Variants in ARHGAP44 observed in about 807,000 individuals in gnomAD.
The protein encoded by ARHGAP44 is rho GTPase-activating protein 44.
In ARHGAP44, 43 loss-of-function variants were observed where a neutral mutation model predicts 106.8. The ratio of observed to expected loss-of-function variants is 0.40; its 90% CI spans 0.32 to 0.52. The LOEUF is 0.52. Ranked by LOEUF, ARHGAP44 falls within the 20% of genes least tolerant of loss-of-function variation. ARHGAP44 has a pLI of 0.48. For synonymous variants in ARHGAP44, 439 were observed against 410.3 expected (o/e 1.07, Z -0.85); for missense variants, 866 against 1,050.5 (o/e 0.82, Z 2.43).
rs368004775 is a variant in ARHGAP44, at chr17:12,974,049, G to C, written c.1542-40G>C. The C allele has an allele frequency of 3.9e-6, 6 of 1,541,436 alleles. No individual in the cohort carries two copies. The African/African-American group carries it at 8.2e-5, about 21-fold the overall frequency. On this transcript the variant is annotated intron_variant, in intron 17 of 20. Transcript: ENST00000379672. ...GGAGGGAGCCTGTCTCCTGTCATCT[G>C]TTACGCGTGGGTAAGCGGTGTCTTT...
chr17:12,833,534 C>G (rs2035149022), intron 1 of ARHGAP44, among the ~76,000 whole-genome samples: 1 of 152,180 alleles, frequency 6.6e-6, no homozygotes, highest in Non-Finnish European at 1.5e-5. Flanking sequence ...CCTGCTCTTC[C>G]TCTTCTTTCA....
chr17:12,885,562 C>G (rs2036858825), intron 1 of ARHGAP44, among the ~76,000 whole-genome samples: 1 of 151,964 alleles, frequency 6.6e-6, no homozygotes, highest in Non-Finnish European at 1.5e-5. Context: ...TGTGTGTTGT[C>G]ACTCAAATAC....
At position 12,948,752 on chromosome 17, in the gene ARHGAP44, C is replaced by A. The variant is rs7501977; in HGVS notation, c.862-388C>A. 3.1e-3 allele frequency among the ~76,000 whole-genome samples: 440 copies of A among 140,782 alleles called. 7 individuals are homozygous for A. The highest frequency in any genetic ancestry group is 5.3e-3 in the Admixed American group (74 of 13,904). 92.4% of individuals were successfully genotyped at this position (140,782 alleles called of 152,430 possible). The stretch of plus-strand genomic sequence containing the variant: ...CACACACACACACACACACACACAC[C>A]CCCTGTAGACCTCCTCACATTCAAC... On this transcript the variant is annotated intron_variant, in intron 10 of 20. Coordinates refer to ENST00000379672, the MANE Select transcript of ARHGAP44 (RefSeq NM_014859.6).
At chr17:12,877,946 T>A (rs2036607018) in intron 1 of ARHGAP44, among the ~76,000 whole-genome samples, 1 of 152,196 alleles carries the variant, frequency 6.6e-6, no homozygotes, top group Non-Finnish European at 1.5e-5. Context: ...CCAGGTAGCA[T>A]GTTAAGGAAG....
At chr17:12,890,629 C>T (rs1193251979) in intron 1 of ARHGAP44, among the ~76,000 whole-genome samples, 1 of 152,186 alleles carries the variant, frequency 6.6e-6, no homozygotes, top group Non-Finnish European at 1.5e-5. Context: ...GGAGGTAATT[C>T]TCTCATTGCC....
intron 1 of ARHGAP44, among the ~76,000 whole-genome samples, chr17:12,893,353 C>G (rs564331049): frequency 2.6e-5 from 4 of 152,126 alleles, no homozygotes; most frequent in African/African-American, 9.7e-5. Flanking sequence ...AAGGGAGCAG[C>G]CTTGTTACTG....
In ARHGAP44 at chr17:12,789,790, C is replaced by T. The variant is rs1031153569; in HGVS notation, c.-49C>T. ...ATGTAACCCTGCGGCGGGCTCCGGG[C>T]TGCTCCGTCCTTCCCCAGCTCCCGG... On this transcript the variant is annotated 5_prime_UTR_variant, in exon 1 of 21. Coordinates refer to ENST00000379672, the MANE Select transcript of ARHGAP44 (RefSeq NM_014859.6). The T allele has an allele frequency of 4.8e-6, 7 of 1,473,518 alleles. No individual in the cohort carries two copies. The African/African-American group carries it at 8.9e-5, about 19-fold the overall frequency. The allele number at this position is 1,473,518 out of a possible 1,614,324, so 91.3% of individuals were successfully genotyped here.
chr17:12,985,008 C>T (rs768527450), intron 20 of ARHGAP44, 100 bp downstream of exon 20: 92 of 1,441,208 alleles, frequency 6.4e-5, no homozygotes, highest in Non-Finnish European at 8.1e-5. Flanking sequence ...CACATTCCTG[C>T]GTGCTTTGGG....
In ARHGAP44 at chr17:12,958,631, G is replaced by T; in HGVS notation, c.1343-86G>T. 1.6e-6 allele frequency: 2 copies of T among 1,286,330 alleles called. No individual in the cohort carries two copies. Among genetic ancestry groups the T allele is most frequent in the Admixed American group, 2.1e-5 (1 of 48,668 alleles). The allele number at this position is 1,286,330 out of a possible 1,614,324, so 79.7% of individuals were successfully genotyped here. ...TTTTCTAGGGATGACATACGAGGGA[G>T]TGGGTGTCTGGACTCATTCCTCCCC... On this transcript the variant is annotated intron_variant, in intron 15 of 20. Coordinates refer to ENST00000379672, the MANE Select transcript of ARHGAP44 (RefSeq NM_014859.6). The surrounding 1 kb of genome is among the most constrained non-coding windows in gnomAD (Gnocchi z 4.1).
chr17:12,991,301 G>A lies in ARHGAP44; in HGVS notation c.*1130G>A, dbSNP rs987478723. The A allele has an allele frequency of 2.6e-5, 4 of 152,640 alleles. No individual in the cohort carries two copies. In the South Asian group the frequency reaches 8.3e-4, roughly 32 times the overall value. 9.5% of individuals were successfully genotyped at this position (152,640 alleles called of 1,614,324 possible). ...TTTAAAATTTTATCCTTTTCAAATA[G>A]ATGATATAATATACCTATACATGAT... On this transcript the variant is annotated 3_prime_UTR_variant, in exon 21 of 21. Coordinates refer to ENST00000379672, the MANE Select transcript of ARHGAP44 (RefSeq NM_014859.6).
intron 16 of ARHGAP44, among the ~76,000 whole-genome samples, chr17:12,962,797 G>A (rs983055310): frequency 6.6e-6 from 1 of 152,112 alleles, no homozygotes; most frequent in African/African-American, 2.4e-5. Flanking sequence ...TGTAAGCCCA[G>A]CACTTTGGGT....
At chr17:12,882,008 T>C (rs1229270988) in intron 1 of ARHGAP44, among the ~76,000 whole-genome samples, 1 of 152,148 alleles carries the variant, frequency 6.6e-6, no homozygotes. Flanking sequence ...GCCTTCCATA[T>C]AAATTTTAGA....
chr17:12,852,355 G>T (rs147520213), intron 1 of ARHGAP44, among the ~76,000 whole-genome samples: 1 of 112,530 alleles, frequency 8.9e-6, no homozygotes, highest in African/African-American at 3.4e-5. Flanking sequence ...CTTCGTTTTC[G>T]TTTCCAGTAC....
intron 1 of ARHGAP44, among the ~76,000 whole-genome samples, chr17:12,807,656 G>T (rs1244909794): frequency 2.0e-5 from 3 of 152,140 alleles, no homozygotes; most frequent in African/African-American, 7.2e-5. Flanking sequence ...GCTACACTGG[G>T]TCCCTCTCGC....
At chr17:12,793,178 TGTG>T (rs1422932566) in intron 1 of ARHGAP44, among the ~76,000 whole-genome samples, 1 of 152,212 alleles carries the variant, frequency 6.6e-6, no homozygotes, top group Non-Finnish European at 1.5e-5. Context: ...ACTGTGGTAA[TGTG>T]GTAACCACAG....
chr17:12,990,083 T>G lies in ARHGAP44; in HGVS notation c.2369T>G (p.Leu790Arg). The G allele has an allele frequency of 3.7e-6, 6 of 1,612,872 alleles. No individual in the cohort carries two copies. Among genetic ancestry groups the G allele is most frequent in the South Asian group, 1.1e-5 (1 of 91,054 alleles). The change falls in exon 21 of 21, where the codon CTC becomes CGC. Residue 790 changes from leucine to arginine, a missense_variant. Physicochemically the swap from Leu to Arg is moderately radical, Grantham distance 102. Transcript: ENST00000379672. ...PSIHIELGST[L>R]RLSPLEHMRR... ...ATCCACATAGAGCTCGGGTCGACGC[T>G]CCGCCTGAGTCCCCTGGAGCACATG...
At chr17:12,929,797 G>A (rs1259129395) in intron 7 of ARHGAP44, among the ~76,000 whole-genome samples, 4 of 152,180 alleles carry the variant, frequency 2.6e-5, no homozygotes, top group Admixed American at 1.3e-4. Context: ...TCACATTTCT[G>A]TAACTATTCT....
chr17:12,933,850 T>A (rs1223763903), intron 7 of ARHGAP44, among the ~76,000 whole-genome samples: 1 of 12,498 alleles, frequency 8.0e-5, no homozygotes, highest in Admixed American at 1.2e-3. Context: ...ACATAAATTC[T>A]TTTTTTTTTT....
chr17:12,888,878 G>A (rs527508242), intron 1 of ARHGAP44, among the ~76,000 whole-genome samples: 60 of 152,150 alleles, frequency 3.9e-4, no homozygotes, highest in Admixed American at 3.3e-3. Context: ...TTCTGAAATT[G>A]TCTTTATGTG....
Sources: gnomAD v4.1 joint callset for allele counts (sites outside exome capture counted in the v4.1 genomes callset) on GRCh38, gnomAD v4.1.1 for gene constraint, Gnocchi (gnomAD v3.1) non-coding constraint, MANE v1.5 for transcripts, NCBI Gene and HGNC (gene_info 2026-07-23, HGNC 2026-07-21) for gene names.